The following FAM174C variants were observed in gnomAD, a reference collection of about 807,000 sequenced individuals.
FAM174C encodes protein FAM174C.
Under a neutral mutation model 12.3 loss-of-function variants are expected in FAM174C, and 19 were observed. The observed-to-expected ratio is 1.55, with a 90% CI of 1.08 to 2.27. FAM174C has a LOEUF of 2.27. Among genes scored for constraint, FAM174C ranks in the 30% most tolerant of loss-of-function variants. The pLI, the probability that FAM174C is intolerant of heterozygous loss-of-function variation, is 0.00. For missense variants in FAM174C, 239 were observed against 190.2 expected (o/e 1.26, Z -1.51); for synonymous variants, 147 against 103.5 (o/e 1.42, Z -2.55).
Position 1,278,983 on chromosome 19 carries a change from G to A in FAM174C, c.*206G>A. 1.2e-6 allele frequency: 2 copies of A among 1,612,266 alleles called. No individual in the cohort carries two copies. The highest frequency in any genetic ancestry group is 1.7e-6 in the Non-Finnish European group (2 of 1,179,952). ...CCACCTGCACCCACCGCTGGACCAT[G>A]CAGCCTCGCCTCCTGGATGCTGTCC... On this transcript the variant is annotated 3_prime_UTR_variant, in exon 3 of 3. Transcript: ENST00000409293.
intron 1 of FAM174C, 114 bp downstream of exon 1, chr19:1,275,944 C>T (rs1416848708): frequency 1.1e-5 from 11 of 1,013,512 alleles, no homozygotes; most frequent in South Asian, 1.5e-5. Context: ...CCCTCCCTCT[C>T]TCCCTGTTGG....
At position 1,275,721 on chromosome 19, in the gene FAM174C, A is replaced by C; in HGVS notation, c.172A>C (p.Thr58Pro). 1 of 1,532,360 alleles carries C rather than the reference A, an allele frequency of 6.5e-7. No homozygotes were observed. The highest frequency in any genetic ancestry group is 8.7e-7 in the Non-Finnish European group (1 of 1,143,794). The allele number at this position is 1,532,360 out of a possible 1,614,324, so 94.9% of individuals were successfully genotyped here. A position where few individuals can be genotyped will look rare whatever the true frequency, so the allele number is the denominator to read the frequency against. ...CCAGCCGGGCGCGCCACACAACAGC[A>C]CGCACACGCGTCCGCCGGGGGCGTC... is the stretch of plus-strand genomic sequence containing the variant. ...GSQPGAPHNS[T>P]HTRPPGASGS... Residue 58 changes from threonine (T) to proline (P), a missense_variant, in exon 1 of 3, where the codon ACG (threonine) becomes CCG (proline). Transcript: ENST00000409293.
chr19:1,278,387 C>G (rs1196922788), intron 2 of FAM174C, among the ~76,000 whole-genome samples: 2 of 152,052 alleles, frequency 1.3e-5, no homozygotes, highest in East Asian at 3.9e-4. Context: ...GTATGTTGCG[C>G]TGCAGTGTGG....
At position 1,275,558 on chromosome 19, in the gene FAM174C, G is replaced by T; in HGVS notation, c.9G>T (p.Pro3=). ...ACCGCTTCCGCCGGGCCATGGGGCC[G>T]CGCGTGCTGCAGCCGCCGCTGCTGC... MG[P]RVLQPPLLLL... is the part of the protein sequence containing the mutation. The change falls in exon 1 of 3, where the codon CCG becomes CCT. Residue 3 remains proline (P), a synonymous_variant. Coordinates refer to ENST00000409293, the MANE Select transcript of FAM174C (RefSeq NM_017914.4). 1 of 1,213,644 alleles carries T rather than the reference G, an allele frequency of 8.2e-7. No homozygotes were observed. The highest frequency in any genetic ancestry group is 1.0e-6 in the Non-Finnish European group (1 of 977,792). The allele number at this position is 1,213,644 out of a possible 1,614,324, so 75.2% of individuals were successfully genotyped here. A position where few individuals can be genotyped will look rare whatever the true frequency, so the allele number is the denominator to read the frequency against.
At chr19:1,276,183 C>G in intron 1 of FAM174C, 1 of 286,758 alleles carries the variant, frequency 3.5e-6, no homozygotes, top group Non-Finnish European at 6.6e-6. Flanking sequence ...CTCCTTGTCG[C>G]CGGATGCCCG....
rs376973477 is a variant in FAM174C at position 1,278,812 on chromosome 19, T to C, written c.*35T>C. The C allele has an allele frequency of 9.7e-5, 156 of 1,612,952 alleles. No homozygotes were observed. Among genetic ancestry groups the C allele is most frequent in the Middle Eastern group, 6.6e-4 (4 of 6,056 alleles). ...AGGGAGGCGGCCCTTCCAGCAGCCA[T>C]GAGGGAAGGACAGGAGATGGGGCCC... On this transcript the variant is annotated 3_prime_UTR_variant, in exon 3 of 3. Transcript: ENST00000409293.
intron 1 of FAM174C, chr19:1,276,158 A>C (rs2081413803): frequency 8.6e-6 from 3 of 349,472 alleles, no homozygotes; most frequent in Non-Finnish European, 1.6e-5. Flanking sequence ...TGGCGGGGCG[A>C]GGGGGCCTCC....
chr19:1,278,945 C>T lies in FAM174C; in HGVS notation c.*168C>T, dbSNP rs370894442. ...AGCTCCTTTTGGAACCTGCACAGCC[C>T]GCCGACCTGTTGCCACCTGCACCCA... On this transcript the variant is annotated 3_prime_UTR_variant, in exon 3 of 3. Transcript: ENST00000409293. The T allele has an allele frequency of 6.1e-5, 99 of 1,612,900 alleles. No individual in the cohort carries two copies. Among genetic ancestry groups the T allele is most frequent in the East Asian group, 4.7e-4 (21 of 44,894 alleles).
rs1259296753 is a variant in FAM174C, at chr19:1,275,670, C to T, written c.121C>T (p.Pro41Ser). The T allele has an allele frequency of 2.8e-6, 4 of 1,436,458 alleles. No homozygotes were observed. Among genetic ancestry groups the T allele is most frequent in the African/African-American group, 1.5e-5 (1 of 66,174 alleles). 89.0% of individuals were successfully genotyped at this position (1,436,458 alleles called of 1,614,324 possible). Residue 41 changes from proline to serine, a missense_variant, in exon 1 of 3, where the codon CCG becomes TCG. Physicochemically the swap from Pro to Ser is moderately conservative, Grantham distance 74 (BLOSUM62 -1). Transcript: ENST00000409293. ...GCGCCCCGCGCAGGTCACGTTGTCG[C>T]CGCCGCCGGCCGTGACGAACGGGAG... Reference protein sequence around the residue: ...PLRPAQVTLSPPPAVTNGSQP... With the variant: ...PLRPAQVTLSSPPAVTNGSQP...
At position 1,279,150 on chromosome 19, in the gene FAM174C, T is replaced by A. The variant is rs1600044955; in HGVS notation, c.*373T>A. 5 of 1,612,976 alleles carry A rather than the reference T, an allele frequency of 3.1e-6. No individual in the cohort carries two copies. In the African/African-American group the frequency reaches 4.0e-5, roughly 13 times the overall value. ...ATGGCAGCCCAGAGCCAAGGCTGGG[T>A]GGGCAGGTGACCCAAGGAACCTTTC... On this transcript the variant is annotated 3_prime_UTR_variant, in exon 3 of 3. Transcript: ENST00000409293.
Position 1,278,750 on chromosome 19 carries a change from C to T in FAM174C, c.*-27C>T, listed in dbSNP as rs766985420. The T allele has an allele frequency of 6.8e-6, 11 of 1,611,342 alleles. No homozygotes were observed. In the East Asian group the frequency reaches 1.3e-4, roughly 20 times the overall value. On this transcript the variant is annotated intron_variant, in intron 2 of 2. Transcript: ENST00000409293. ...GCAGGGCGGGCCCTTCACTCCTTCC[C>T]TCTCACCCTTGACCCCCTGCTTTCA...
chr19:1,278,540 C>T (rs1339873081), intron 2 of FAM174C, among the ~76,000 whole-genome samples: 1 of 152,206 alleles, frequency 6.6e-6, no homozygotes, highest in Non-Finnish European at 1.5e-5. Context: ...GCTCTGACTC[C>T]ATTCTGGGAA....
rs1042797752 is a variant in FAM174C, at chr19:1,278,633, A to T, written c.*-144A>T. The T allele has an allele frequency of 3.4e-6, 5 of 1,471,608 alleles. No individual in the cohort carries two copies. The African/African-American group carries it at 7.1e-5, about 21-fold the overall frequency. The allele number at this position is 1,471,608 out of a possible 1,614,324, so 91.2% of individuals were successfully genotyped here. A position where few individuals can be genotyped will look rare whatever the true frequency, so the allele number is the denominator to read the frequency against. On this transcript the variant is annotated intron_variant, in intron 2 of 2. Transcript: ENST00000409293. ...TTGCACAGGGCCCAGGAGGCCGGGG[A>T]GGGAGGCCAGTGGGGGGAGGCTGGG...
At chr19:1,276,278 G>C (rs2081414587) in intron 1 of FAM174C, 1 of 170,748 alleles carries the variant, frequency 5.9e-6, no homozygotes, top group South Asian at 1.1e-4. Context: ...ACTGAAGCTG[G>C]TTCGTCGCCA....
In FAM174C at chr19:1,275,798, G is replaced by C. The variant is rs1010397207; in HGVS notation, c.249G>C (p.Leu83=). 6.5e-7 allele frequency: 1 copy of C among 1,538,352 alleles called. No individual in the cohort carries two copies. Among genetic ancestry groups the C allele is most frequent in the African/African-American group, 1.4e-5 (1 of 72,800 alleles). The change falls in exon 1 of 3, where the codon CTG becomes CTC. Residue 83 remains leucine, a synonymous_variant. Transcript: ENST00000409293. ...ACGTGATCCTGGGCTTCTGCGGCCT[G>C]ACCGCGCTCTACTTCCTGATCCGGG... The part of the protein sequence containing the change: ...SFYVILGFCG[L]TALYFLIRAF...
At chr19:1,278,522 CT>C in intron 2 of FAM174C, among the ~76,000 whole-genome samples, 1 of 152,194 alleles carries the variant, frequency 6.6e-6, no homozygotes, top group Admixed American at 6.5e-5. Flanking sequence ...ACTGGGATCC[CT>C]CCGCATGCTC....
intron 2 of FAM174C, among the ~76,000 whole-genome samples, chr19:1,277,532 G>A (rs756774995): frequency 4.6e-5 from 7 of 152,020 alleles, no homozygotes; most frequent in Non-Finnish European, 1.0e-4. Flanking sequence ...GTGGAGTGGC[G>A]CGATCCCAAC....
At chr19:1,278,342 CAG>C (rs912907369) in intron 2 of FAM174C, among the ~76,000 whole-genome samples, 6 of 152,108 alleles carry the variant, frequency 3.9e-5, no homozygotes, top group Admixed American at 6.5e-5. Flanking sequence ...AGGCAGCTGT[CAG>C]GGGTTAGCAG....
At chr19:1,277,078 GCAGGGCT>G in intron 1 of FAM174C, 98 bp from the exon 2 acceptor site, 1 of 1,431,132 alleles carries the variant, frequency 7.0e-7, no homozygotes, top group Non-Finnish European at 9.3e-7. Flanking sequence ...GAGGTCTGCA[GCAGGGCT>G]CGGGGCTCCA....
Sources: allele counts gnomAD v4.1 joint callset (sites outside exome capture counted in the v4.1 genomes callset), GRCh38; gene constraint gnomAD v4.1.1; transcripts MANE v1.5; gene names NCBI Gene and HGNC (gene_info 2026-07-23, HGNC 2026-07-21).